INTS7: variants seen among roughly 807,000 people sequenced by gnomAD.
The protein encoded by INTS7 is integrator complex subunit 7.
In INTS7, 46 loss-of-function variants were observed where a neutral mutation model predicts 109.2. The ratio of observed to expected loss-of-function variants is 0.42; its 90% CI spans 0.33 to 0.54. The LOEUF (loss-of-function observed/expected upper bound fraction) is 0.54. Among genes scored for constraint, INTS7 ranks in the 20% least tolerant of loss-of-function variants. The probability of loss-of-function intolerance (pLI) is 0.07; values close to 1 mark genes in which losing one functional copy is unlikely to be tolerated. For missense variants in INTS7, 929 were observed against 1,132.4 expected (o/e 0.82, Z 2.58); for synonymous variants, 412 against 402.9 (o/e 1.02, Z -0.27).
rs369024721 is a variant in INTS7, at chr1:212,026,073, C to T, written c.95-4861G>A. Among the ~76,000 whole-genome samples, 56 of 152,156 alleles carry T rather than the reference C, an allele frequency of 3.7e-4. 2 individuals carry two copies. The South Asian group carries it at 0.011, about 29-fold the overall frequency. On this transcript the variant is annotated intron_variant, in intron 1 of 19. Coordinates refer to ENST00000366994, the MANE Select transcript of INTS7 (RefSeq NM_015434.4). Reference sequence around the variant, plus strand: ...CTGAGGCATGAGAACTGCTTGAACTCGGGAGGCGGAGGTTGCAGTGAGCCA... The same window carrying T: ...CTGAGGCATGAGAACTGCTTGAACTTGGGAGGCGGAGGTTGCAGTGAGCCA...
chr1:211,983,794 AAT>A (rs1293432947), intron 8 of INTS7, among the ~76,000 whole-genome samples: 1 of 152,172 alleles, frequency 6.6e-6, no homozygotes, highest in Non-Finnish European at 1.5e-5. Context: ...TTTCTGGTTT[AAT>A]ATAATACAAG....
At chr1:211,944,276 G>A (rs116765076) in intron 19 of INTS7, among the ~76,000 whole-genome samples, 1,662 of 152,234 alleles carry the variant, frequency 0.011, 29 homozygotes, top group African/African-American at 0.037. Flanking sequence ...GAGACCTTTC[G>A]TTAGATTAAT....
chr1:212,000,020 G>A (rs779355745), intron 7 of INTS7, among the ~76,000 whole-genome samples: 14 of 152,030 alleles, frequency 9.2e-5, no homozygotes, highest in East Asian at 1.9e-4. Flanking sequence ...CAGGAGAATC[G>A]CTTGAACCCT....
chr1:211,974,358 A>C (rs1383388655), intron 13 of INTS7, among the ~76,000 whole-genome samples: 1 of 145,734 alleles, frequency 6.9e-6, no homozygotes, highest in African/African-American at 2.5e-5. Flanking sequence ...TATTCTCTTT[A>C]GTGACACCTG....
chr1:211,966,295 C>T (rs1558029812), intron 16 of INTS7, 135 bp downstream of exon 16: 2 of 512,690 alleles, frequency 3.9e-6, no homozygotes, highest in Non-Finnish European at 6.9e-6. Flanking sequence ...ATGTGACCCA[C>T]AAAAAATGCT....
intron 7 of INTS7, among the ~76,000 whole-genome samples, chr1:211,997,990 A>G (rs1665486854): frequency 6.6e-6 from 1 of 152,170 alleles, no homozygotes; most frequent in Admixed American, 6.5e-5. Flanking sequence ...AGAAATTTAC[A>G]AACTGATTCT....
At position 211,942,934 on chromosome 1, in the gene INTS7, T is replaced by C. The variant is rs554956321; in HGVS notation, c.2602-823A>G. 1.1e-4 allele frequency among the ~76,000 whole-genome samples: 16 copies of C among 152,300 alleles called. No homozygotes were observed. Among genetic ancestry groups the C allele is most frequent in the African/African-American group, 3.6e-4 (15 of 41,574 alleles). On this transcript the variant is annotated intron_variant, in intron 19 of 19. Coordinates refer to ENST00000366994, the MANE Select transcript of INTS7 (RefSeq NM_015434.4). The surrounding 1 kb of genome is among the most constrained non-coding windows in gnomAD (Gnocchi z 4.2). ...CTCTAGGTTTATGTGCGTGTTTCTGTGGTGTAATTAATTATATAAATGTGC... is the reference window on the plus strand; with the variant it reads ...CTCTAGGTTTATGTGCGTGTTTCTGCGGTGTAATTAATTATATAAATGTGC...
intron 4 of INTS7, among the ~76,000 whole-genome samples, chr1:212,012,022 CCT>C (rs761332430): frequency 6.6e-6 from 1 of 152,016 alleles, no homozygotes; most frequent in African/African-American, 2.4e-5. Flanking sequence ...CAGATTATCC[CCT>C]CTCCTTTGCC....
At chr1:212,013,756 A>G (rs923730975) in intron 4 of INTS7, among the ~76,000 whole-genome samples, 9 of 152,158 alleles carry the variant, frequency 5.9e-5, no homozygotes, top group African/African-American at 2.2e-4. Context: ...CTGTGTTCCA[A>G]CTGCCTACAG....
chr1:211,990,046 T>G (rs1665077748), intron 7 of INTS7, among the ~76,000 whole-genome samples: 1 of 152,178 alleles, frequency 6.6e-6, no homozygotes, highest in Admixed American at 6.5e-5. Flanking sequence ...CTCATTGTTG[T>G]CAGAAGAGTA....
At chr1:212,019,416 C>T (rs2102488760) in intron 3 of INTS7, among the ~76,000 whole-genome samples, 1 of 152,082 alleles carries the variant, frequency 6.6e-6, no homozygotes, top group African/African-American at 2.4e-5. Context: ...GAACTGATTC[C>T]TGATATGGAA....
chr1:211,945,999 G>C (rs186905446), intron 18 of INTS7, among the ~76,000 whole-genome samples: 4 of 152,258 alleles, frequency 2.6e-5, no homozygotes, highest in Admixed American at 6.5e-5. Flanking sequence ...ATCCTTGCAG[G>C]CTACTGTGAT....
rs369648257 is a variant in INTS7, at chr1:211,941,804, G to A, written c.*20C>T. ...AATTTGATTGATCTCTTGAGAGTCT[G>A]CAGTGCATTCATTCCATGGTTAAAA... On this transcript the variant is annotated 3_prime_UTR_variant, in exon 20 of 20. Coordinates refer to ENST00000366994, the MANE Select transcript of INTS7 (RefSeq NM_015434.4). The A allele has an allele frequency of 1.2e-6, 2 of 1,610,020 alleles. No homozygotes were observed. The highest frequency in any genetic ancestry group is 2.7e-5 in the African/African-American group (2 of 74,818).
At chr1:211,958,082 C>A (rs200721169) in intron 16 of INTS7, among the ~76,000 whole-genome samples, 1,515 of 136,578 alleles carry the variant, frequency 0.011, 30 homozygotes, top group African/African-American at 0.041. Context: ...AAAAAAAAAA[C>A]AAAAACATTT....
intron 7 of INTS7, among the ~76,000 whole-genome samples, chr1:211,992,347 TAAG>T (rs1396424567): frequency 3.9e-5 from 6 of 152,242 alleles, no homozygotes; most frequent in East Asian, 1.9e-4. Flanking sequence ...TAATTTTAAA[TAAG>T]AAGAATTTTA....
At chr1:211,947,590 AGACCC>A (rs1367261477) in intron 17 of INTS7, among the ~76,000 whole-genome samples, 1 of 152,148 alleles carries the variant, frequency 6.6e-6, no homozygotes, top group Non-Finnish European at 1.5e-5. Flanking sequence ...CTGTTCTTGC[AGACCC>A]GATTCAGCAA....
intron 1 of INTS7, among the ~76,000 whole-genome samples, chr1:212,028,110 A>T (rs928829894): frequency 6.6e-6 from 1 of 152,216 alleles, no homozygotes; most frequent in Non-Finnish European, 1.5e-5. Flanking sequence ...TCCAGGCGTG[A>T]GCCACTGCGC....
Position 212,022,577 on chromosome 1 carries a change from C to T in INTS7, c.95-1365G>A, listed in dbSNP as rs116246868. On this transcript the variant is annotated intron_variant, in intron 1 of 19. Transcript: ENST00000366994. ...TCATCAGGGAAATGACAATTTAAAA[C>T]TCCACTAAGATACCATTACACATTC... Among the ~76,000 whole-genome samples the T allele has an allele frequency of 5.6e-3, 855 of 152,294 alleles. 2 individuals carry two copies. The highest frequency in any genetic ancestry group is 9.6e-3 in the Non-Finnish European group (654 of 68,014).
Position 211,946,733 on chromosome 1 carries a change from T to C in INTS7, c.2317-28A>G. 1 of 1,518,994 alleles carries C rather than the reference T, an allele frequency of 6.6e-7. No individual in the cohort carries two copies. Among genetic ancestry groups the C allele is most frequent in the South Asian group, 1.2e-5 (1 of 86,066 alleles). 94.1% of individuals were successfully genotyped at this position (1,518,994 alleles called of 1,614,324 possible). A position where few individuals can be genotyped will look rare whatever the true frequency, so the allele number is the denominator to read the frequency against. ...GGGGGAAAAAAGAAACTAAATCAAA[T>C]AAAAATAAATTTTCAAATTTCATCA... On this transcript the variant is annotated intron_variant, in intron 17 of 19. Coordinates refer to ENST00000366994, the MANE Select transcript of INTS7 (RefSeq NM_015434.4). The surrounding 1 kb of genome is among the most constrained non-coding windows in gnomAD (Gnocchi z 4.3).
Sources: allele counts gnomAD v4.1 joint callset (sites outside exome capture counted in the v4.1 genomes callset), GRCh38; gene constraint gnomAD v4.1.1; non-coding constraint Gnocchi (gnomAD v3.1); transcripts MANE v1.5; gene names NCBI Gene and HGNC (gene_info 2026-07-23, HGNC 2026-07-21).